Variants in FNDC3B observed in about 807,000 individuals in gnomAD.
FNDC3B encodes the protein fibronectin type III domain containing 3B, also known as fibronectin type III domain-containing protein 3B.
FNDC3B carries 12 observed loss-of-function variants against 151.5 expected under a neutral mutation model. The ratio of observed to expected loss-of-function variants is 0.08; its 90% confidence interval spans 0.05 to 0.13. FNDC3B has a LOEUF of 0.13. Ranked by LOEUF, FNDC3B falls within the 10% of genes least tolerant of loss-of-function variation. FNDC3B has a pLI of 1.00. For synonymous variants in FNDC3B, 528 were observed against 549.0 expected (o/e 0.96, Z 0.54); for missense variants, 1,214 against 1,505.3 (o/e 0.81, Z 3.20).
chr3:172,381,277 A>G (rs73037039), intron 25 of FNDC3B, among the ~76,000 whole-genome samples, 184 bp downstream of exon 25: 15,491 of 152,200 alleles, frequency 0.1, 1,186 homozygotes, highest in African/African-American at 0.22. Flanking sequence ...CATTTTATAT[A>G]TGGTGGTATT....
In FNDC3B at chr3:172,247,837, C is replaced by T. The variant is rs555878125; in HGVS notation, c.508+61C>T. The T allele has an allele frequency of 3.5e-5, 55 of 1,565,450 alleles. No individual in the cohort carries two copies. In the Admixed American group the frequency reaches 6.9e-4, roughly 20 times the overall value. ...AACTGATTACAGCGTTTCAATAGTTCAAGGCGGTCCTTTGTTTCTTGTGAA... is the reference window on the plus strand; with the variant it reads ...AACTGATTACAGCGTTTCAATAGTTTAAGGCGGTCCTTTGTTTCTTGTGAA... On this transcript the variant is annotated intron_variant, in intron 5 of 25. Transcript: ENST00000415807.
At chr3:172,322,737 GA>G (rs59858691) in intron 11 of FNDC3B, among the ~76,000 whole-genome samples, 8,087 of 152,140 alleles carry the variant, frequency 0.053, 733 homozygotes, top group African/African-American at 0.18. Context: ...GAGACAGGGA[GA>G]GTGGGGGCAA....
chr3:172,161,107 A>G (rs890149729), intron 3 of FNDC3B, among the ~76,000 whole-genome samples: 1 of 152,182 alleles, frequency 6.6e-6, no homozygotes, highest in Admixed American at 6.5e-5. Context: ...AGTTGTGTTC[A>G]TTATTAACTG....
chr3:172,042,583 C>A (rs1716141168), intron 1 of FNDC3B, among the ~76,000 whole-genome samples: 1 of 152,142 alleles, frequency 6.6e-6, no homozygotes, highest in Admixed American at 6.5e-5. Context: ...TGCTTTTATA[C>A]ATTATCTCAT....
chr3:172,118,104 A>G (rs1328577095), intron 2 of FNDC3B, among the ~76,000 whole-genome samples: 1 of 152,192 alleles, frequency 6.6e-6, no homozygotes, highest in African/African-American at 2.4e-5. Flanking sequence ...TCTAGGCAGA[A>G]TATGTAACCA....
intron 3 of FNDC3B, among the ~76,000 whole-genome samples, chr3:172,200,475 C>T (rs868792626): frequency 1.5e-4 from 23 of 152,222 alleles, no homozygotes; most frequent in Middle Eastern, 3.4e-3. Flanking sequence ...TATGAGTACC[C>T]GTGCAAACCA....
intron 1 of FNDC3B, among the ~76,000 whole-genome samples, chr3:172,075,439 A>T (rs1017234217): frequency 6.6e-6 from 1 of 152,116 alleles, no homozygotes; most frequent in African/African-American, 2.4e-5. Context: ...GGTTTCCTTC[A>T]GTTTTTGATT....
chr3:172,170,008 A>C (rs887239392), intron 3 of FNDC3B, among the ~76,000 whole-genome samples: 4 of 152,148 alleles, frequency 2.6e-5, no homozygotes, highest in Admixed American at 2.0e-4. Context: ...GCTGTTTTAC[A>C]CAGAACTGGC....
chr3:172,330,421 G>A (rs1003850243), intron 12 of FNDC3B, 120 bp from the exon 13 acceptor site: 11 of 782,930 alleles, frequency 1.4e-5, no homozygotes, highest in African/African-American at 1.2e-4. Context: ...TCCTTACCTG[G>A]CTTTGCTTAC....
chr3:172,081,542 C>A (rs986918959), intron 1 of FNDC3B, among the ~76,000 whole-genome samples: 1 of 152,146 alleles, frequency 6.6e-6, no homozygotes, highest in East Asian at 1.9e-4. Context: ...TTACATTTTA[C>A]AGGATAAAAC....
At chr3:172,384,197 T>C (rs1735593831) in intron 25 of FNDC3B, among the ~76,000 whole-genome samples, 1 of 152,250 alleles carries the variant, frequency 6.6e-6, no homozygotes, top group Non-Finnish European at 1.5e-5. Flanking sequence ...ATAAAAGATT[T>C]AATTGTTTTA....
intron 3 of FNDC3B, among the ~76,000 whole-genome samples, chr3:172,178,400 G>A (rs964713086): frequency 1.2e-4 from 18 of 152,148 alleles, no homozygotes; most frequent in African/African-American, 4.3e-4. Context: ...GTCACCGAGA[G>A]CTCATATATT....
In FNDC3B at chr3:172,226,903, G is replaced by A; in HGVS notation, c.220G>A (p.Gly74Arg). Residue 74 changes from glycine to arginine, a missense_variant, in exon 4 of 26, where the codon GGA becomes AGA. Coordinates refer to ENST00000415807, the MANE Select transcript of FNDC3B (RefSeq NM_022763.4). ...TGAAGTTCCCATGATGTCACCCAAT[G>A]GATCCATTCCTCCCATTCATGTGCC... ...PAEVPMMSPN[G>R]SIPPIHVPPG... is the part of the protein sequence containing the mutation. 1 of 1,613,324 alleles carries A rather than the reference G, an allele frequency of 6.2e-7. No homozygotes were observed. Among genetic ancestry groups the A allele is most frequent in the Non-Finnish European group, 8.5e-7 (1 of 1,179,274 alleles).
chr3:172,201,358 T>C (rs1476091850), intron 3 of FNDC3B, among the ~76,000 whole-genome samples: 1 of 152,110 alleles, frequency 6.6e-6, no homozygotes, highest in African/African-American at 2.4e-5. Context: ...CTTTTCTTTC[T>C]CCCATAACAA....
At chr3:172,333,456 G>A (rs1388218803) in intron 14 of FNDC3B, among the ~76,000 whole-genome samples, 2 of 151,226 alleles carry the variant, frequency 1.3e-5, no homozygotes, top group Non-Finnish European at 2.9e-5. Context: ...CGAGTAGCTG[G>A]GACTATAGGC....
At chr3:172,369,460 GAA>G (rs886741292) in intron 23 of FNDC3B, among the ~76,000 whole-genome samples, 2 of 145,526 alleles carry the variant, frequency 1.4e-5, no homozygotes, top group Non-Finnish European at 3.0e-5. Context: ...AAAGTATACC[GAA>G]AAAAAAGTTT....
At chr3:172,173,675 G>C (rs1213767742) in intron 3 of FNDC3B, among the ~76,000 whole-genome samples, 2 of 151,544 alleles carry the variant, frequency 1.3e-5, no homozygotes, top group South Asian at 4.2e-4. Context: ...AAAAAAATTA[G>C]CCAGGCATAG....
At chr3:172,220,829 C>T (rs1214248447) in intron 3 of FNDC3B, among the ~76,000 whole-genome samples, 5 of 152,118 alleles carry the variant, frequency 3.3e-5, no homozygotes, top group Admixed American at 1.3e-4. Flanking sequence ...TGTGGTGGCT[C>T]ATGCCTGTAA....
intron 4 of FNDC3B, among the ~76,000 whole-genome samples, chr3:172,243,904 T>A (rs1371963555): frequency 6.6e-6 from 1 of 152,218 alleles, no homozygotes; most frequent in African/African-American, 2.4e-5. Context: ...GGTGACAGTC[T>A]GAGAACCCGG....
Sources: gnomAD v4.1 joint callset for allele counts (sites outside exome capture counted in the v4.1 genomes callset) on GRCh38, gnomAD v4.1.1 for gene constraint, MANE v1.5 for transcripts, NCBI Gene and HGNC (gene_info 2026-07-23, HGNC 2026-07-21) for gene names.